The following SH3BP2 variants were observed in gnomAD, a reference collection of about 807,000 sequenced individuals.
SH3BP2 encodes SH3 domain-binding protein 2.
A neutral mutation model predicts 56.2 loss-of-function variants in SH3BP2; 38 were observed. That is an observed-to-expected ratio of 0.68 (90% CI 0.52 to 0.89). The LOEUF is 0.89. SH3BP2 is among the 40% of genes least tolerant of loss of function. The pLI, the probability that SH3BP2 is intolerant of heterozygous loss-of-function variation, is 0.00. For missense variants in SH3BP2, 748 were observed against 762.6 expected, an observed-to-expected ratio of 0.98 and a Z score of 0.23; for synonymous variants, 346 against 316.7, an observed-to-expected ratio of 1.09 and a Z score of -0.98.
At position 2,834,711 on chromosome 4, in the gene SH3BP2, A is replaced by G. The variant is rs563958036; in HGVS notation, c.*877A>G. The stretch of plus-strand genomic sequence containing the variant: ...CAGCTACAGCTGCTTCATTCCCTGC[A>G]TTAGCGAGCAGTTATTGGGTACCTC... On this transcript the variant is annotated 3_prime_UTR_variant, in exon 13 of 13. Transcript: ENST00000503393. 1 of 152,332 alleles carries G rather than the reference A, an allele frequency of 6.6e-6. No individual in the cohort carries two copies. Among genetic ancestry groups the G allele is most frequent in the Non-Finnish European group, 1.5e-5 (1 of 68,114 alleles). The allele number at this position is 152,332 out of a possible 1,614,324, so 9.4% of individuals were successfully genotyped here.
rs765023340 is a variant in SH3BP2, at chr4:2,822,958, C to A, written c.160C>A (p.His54Asn). ...AGGGCCCCTGCGCTTTGTCATCATC[C>A]ACAAACGCTGCGTCTACTACTTCAA... ...LKWPLRFVII[H>N]KRCVYYFKSS... The change falls in exon 3 of 13, where the codon CAC becomes AAC. Residue 54 changes from histidine (H) to asparagine (N), a missense_variant. His to Asn is a moderately conservative substitution (Grantham distance 68, BLOSUM62 1). Around this residue, in one of 3 missense-constraint regions of SH3BP2, gnomAD observed 104 missense variants for 123.1 expected, o/e 0.84. Transcript: ENST00000503393. 9 of 1,613,962 alleles carry A rather than the reference C, an allele frequency of 5.6e-6. No individual in the cohort carries two copies. The highest frequency in any genetic ancestry group is 7.6e-6 in the Non-Finnish European group (9 of 1,179,968).
At chr4:2,830,874 G>A (rs924748432) in intron 8 of SH3BP2, among the ~76,000 whole-genome samples, 1 of 152,210 alleles carries the variant, frequency 6.6e-6, no homozygotes, top group Non-Finnish European at 1.5e-5. Context: ...CCTTGCCCAC[G>A]GTGCCCTTCT....
chr4:2,799,715 GC>G (rs1723181377), intron 1 of SH3BP2, among the ~76,000 whole-genome samples: 1 of 152,208 alleles, frequency 6.6e-6, no homozygotes, highest in Non-Finnish European at 1.5e-5. Context: ...AGCCACCCTT[GC>G]GGCAGGCAGG....
At chr4:2,827,513 C>A (rs1351979919) in intron 6 of SH3BP2, 93 bp from the exon 7 acceptor site, 1 of 1,397,798 alleles carries the variant, frequency 7.2e-7, no homozygotes, top group Non-Finnish European at 9.9e-7. Flanking sequence ...GTGCTTGCCC[C>A]TTGCCTCCTG....
rs1008415371 is a variant in SH3BP2, at chr4:2,832,872, C to G, written c.1489-118C>G. 1.1e-5 allele frequency: 11 copies of G among 1,045,512 alleles called. No homozygotes were observed. In the East Asian group the frequency reaches 2.4e-4, roughly 23 times the overall value. 64.8% of individuals were successfully genotyped at this position (1,045,512 alleles called of 1,614,324 possible). ...GTGGTCTGGAGTCCCTCCCCGCCCCCCGAGGGCCACAGGACCCAGCCTTGA... is the reference window on the plus strand; with the variant it reads ...GTGGTCTGGAGTCCCTCCCCGCCCCGCGAGGGCCACAGGACCCAGCCTTGA... On this transcript the variant is annotated intron_variant, in intron 11 of 12. Coordinates refer to ENST00000503393, the MANE Select transcript of SH3BP2 (RefSeq NM_001122681.2).
intron 1 of SH3BP2, among the ~76,000 whole-genome samples, chr4:2,804,747 G>T (rs1362891195): frequency 4.6e-5 from 7 of 152,242 alleles, no homozygotes; most frequent in African/African-American, 1.7e-4. Flanking sequence ...CCAGAGCCAG[G>T]CTCAGCAGGA....
intron 1 of SH3BP2, among the ~76,000 whole-genome samples, chr4:2,804,326 T>G (rs941159049): frequency 2.0e-5 from 3 of 152,212 alleles, no homozygotes; most frequent in African/African-American, 7.2e-5. Context: ...AACTGAGGAC[T>G]GGAGCTCTGC....
chr4:2,833,122 T>G, intron 12 of SH3BP2, 73 bp downstream of exon 12: 2 of 1,378,356 alleles, frequency 1.5e-6, no homozygotes, highest in Non-Finnish European at 1.0e-6. Context: ...ATCTCCCTGA[T>G]GAGGCATAGG....
chr4:2,804,638 C>G (rs762677849), intron 1 of SH3BP2, among the ~76,000 whole-genome samples: 33 of 152,222 alleles, frequency 2.2e-4, no homozygotes, highest in Non-Finnish European at 3.8e-4. Context: ...AGAGCCCTGC[C>G]CCCTCCACAG....
At chr4:2,828,795 C>T (rs1724813248) in intron 7 of SH3BP2, among the ~76,000 whole-genome samples, 1 of 152,174 alleles carries the variant, frequency 6.6e-6, no homozygotes, top group East Asian at 1.9e-4. Flanking sequence ...TTCCCAGTTC[C>T]AGCGCTCAGT....
Position 2,829,538 on chromosome 4 carries a change from C to T in SH3BP2, c.632C>T (p.Thr211Met), listed in dbSNP as rs375942374. 3.0e-5 allele frequency: 49 copies of T among 1,613,480 alleles called. No individual in the cohort carries two copies. Among genetic ancestry groups the T allele is most frequent in the Non-Finnish European group, 3.8e-5 (45 of 1,179,982 alleles). ...GCTTACCCACCACCCCCAGTGCCCA[C>T]GCCCAGGAAGCCAGCCTTCTCTGAC... is the stretch of plus-strand genomic sequence containing the variant. ...PPAYPPPPVP[T>M]PRKPAFSDMP... Residue 211 changes from threonine (T) to methionine (M), a missense_variant, in exon 8 of 13, where the codon ACG becomes ATG. Coordinates refer to ENST00000503393, the MANE Select transcript of SH3BP2 (RefSeq NM_001122681.2). This position sits in a 1 kb window ranked among gnomAD's most constrained non-coding sequence, Gnocchi z 4.9.
rs1724484643 is a variant in SH3BP2, at chr4:2,824,522, TG to T, written c.240-89del. On this transcript the variant is annotated intron_variant, in intron 3 of 12. Coordinates refer to ENST00000503393, the MANE Select transcript of SH3BP2 (RefSeq NM_001122681.2). Reference sequence around the variant, plus strand: ...GCCCTCTTCCGTTGGGGCGTGGTGCTGGTGCCGAGACGTGTTCACAGGGGGG... The same window carrying T: ...GCCCTCTTCCGTTGGGGCGTGGTGCTGTGCCGAGACGTGTTCACAGGGGGG... 35 of 937,842 alleles carry T rather than the reference TG, an allele frequency of 3.7e-5. No homozygotes were observed. In the South Asian group the frequency reaches 4.5e-4, roughly 12 times the overall value. The allele number at this position is 937,842 out of a possible 1,614,324, so 58.1% of individuals were successfully genotyped here.
chr4:2,801,692 G>A (rs1723286572), intron 1 of SH3BP2, among the ~76,000 whole-genome samples: 1 of 152,188 alleles, frequency 6.6e-6, no homozygotes, highest in African/African-American at 2.4e-5. Flanking sequence ...ACCTCCTGAG[G>A]CCAACCTAAA....
At chr4:2,832,252 G>A (rs374994591) in intron 10 of SH3BP2, 79 bp from the exon 11 acceptor site, 3 of 1,266,516 alleles carry the variant, frequency 2.4e-6, no homozygotes, top group African/African-American at 1.5e-5. Context: ...AGAAAGCCAG[G>A]CTTGGGAGCG....
intron 1 of SH3BP2, among the ~76,000 whole-genome samples, chr4:2,801,603 C>T (rs1265195897): frequency 2.0e-5 from 3 of 152,178 alleles, no homozygotes; most frequent in African/African-American, 7.2e-5. Context: ...TGGCCTGTCG[C>T]CTTGAGCCCA....
chr4:2,830,423 G>A (rs559941563), intron 8 of SH3BP2, among the ~76,000 whole-genome samples: 6 of 152,292 alleles, frequency 3.9e-5, no homozygotes, highest in Non-Finnish European at 5.9e-5. Context: ...GTGCAGTGGT[G>A]CGATCTCAGC....
At chr4:2,833,253 C>T (rs887002533) in intron 12 of SH3BP2, 11 of 649,696 alleles carry the variant, frequency 1.7e-5, no homozygotes, top group Non-Finnish European at 2.5e-5. Flanking sequence ...TTGTCCTCCA[C>T]TGACCCTAGT....
Position 2,822,999 on chromosome 4 carries a change from C to G in SH3BP2, c.201C>G (p.Ala67=), listed in dbSNP as rs772451753. The change falls in exon 3 of 13, where the codon GCC becomes GCG. Residue 67 remains alanine (A), a synonymous_variant. Coordinates refer to ENST00000503393, the MANE Select transcript of SH3BP2 (RefSeq NM_001122681.2). ...ACTACTTCAAGAGTAGCACCTCTGC[C>G]TCCCCGCAGGGCGCCTTCTCCCTGA... ...CVYYFKSSTS[A]SPQGAFSLSG... is the part of the protein sequence containing the mutation. The G allele has an allele frequency of 6.2e-7, 1 of 1,614,120 alleles. No individual in the cohort carries two copies. The highest frequency in any genetic ancestry group is 1.1e-5 in the South Asian group (1 of 91,076).
At chr4:2,814,760 A>C (rs1169795628) in intron 1 of SH3BP2, 1 of 151,876 alleles carries the variant, frequency 6.6e-6, no homozygotes, top group Non-Finnish European at 1.5e-5. Flanking sequence ...CAGGGGAAGG[A>C]GGGGCCCCAG....
Sources: gnomAD v4.1 joint callset for allele counts (sites outside exome capture counted in the v4.1 genomes callset) on GRCh38, gnomAD v4.1.1 for gene constraint, gnomAD v4.1.1 regional missense constraint, Gnocchi (gnomAD v3.1) non-coding constraint, MANE v1.5 for transcripts, NCBI Gene and HGNC (gene_info 2026-07-23, HGNC 2026-07-21) for gene names.